SNTG2: variants seen among roughly 807,000 people sequenced by gnomAD.
SNTG2 encodes syntrophin gamma 2.
A neutral mutation model predicts 70.9 loss-of-function variants in SNTG2; 74 were observed. The observed-to-expected ratio is 1.04, with a 90% CI of 0.86 to 1.27. SNTG2 has a LOEUF of 1.27. Among genes scored for constraint, SNTG2 ranks in the 50% most tolerant of loss-of-function variants. SNTG2 has a pLI of 0.00. For missense variants in SNTG2, 717 were observed against 690.7 expected (o/e 1.04, Z -0.43); for synonymous variants, 278 against 273.8 (o/e 1.02, Z -0.15).
intron 12 of SNTG2, among the ~76,000 whole-genome samples, chr2:1,248,633 C>T (rs1022525986): frequency 5.3e-5 from 8 of 152,178 alleles, no homozygotes; most frequent in Non-Finnish European, 8.8e-5. Context: ...CAGAGGTGAA[C>T]GTCTGATTGG....
chr2:986,852 G>A (rs1474224787), intron 1 of SNTG2, among the ~76,000 whole-genome samples: 2 of 152,154 alleles, frequency 1.3e-5, no homozygotes, highest in African/African-American at 4.8e-5. Flanking sequence ...TAAATACTTA[G>A]CAATTTTAGA....
rs181620931 is a variant in SNTG2, at chr2:1,359,280, G to A, written c.1489-8063G>A. Among the ~76,000 whole-genome samples, 5 of 152,206 alleles carry A rather than the reference G, an allele frequency of 3.3e-5. No homozygotes were observed. The East Asian group carries it at 7.7e-4, about 23-fold the overall frequency. On this transcript the variant is annotated intron_variant, in intron 16 of 16. Coordinates refer to ENST00000308624, the MANE Select transcript of SNTG2 (RefSeq NM_018968.4). Reference sequence around the variant, plus strand: ...CAGGTGTGAGTTTTCTACTTGAGGTGTCATATCAGTGCTCAAAAAGATTTA... The same window carrying A: ...CAGGTGTGAGTTTTCTACTTGAGGTATCATATCAGTGCTCAAAAAGATTTA...
At chr2:995,010 G>A (rs1661632178) in intron 1 of SNTG2, among the ~76,000 whole-genome samples, 1 of 151,616 alleles carries the variant, frequency 6.6e-6, no homozygotes, top group Admixed American at 6.6e-5. Context: ...TCTGCAAATA[G>A]AGATAATTTT....
intron 1 of SNTG2, among the ~76,000 whole-genome samples, chr2:965,446 G>C (rs1328113322): frequency 1.3e-5 from 2 of 150,128 alleles, no homozygotes; most frequent in Non-Finnish European, 3.0e-5. Flanking sequence ...TGGTCTCCCT[G>C]TTCCTGTTGG....
At chr2:1,265,746 G>A (rs1315186424) in intron 13 of SNTG2, among the ~76,000 whole-genome samples, 3 of 152,362 alleles carry the variant, frequency 2.0e-5, no homozygotes, top group East Asian at 1.9e-4. Context: ...CAGCTTGGCT[G>A]GTTGGCACAA....
chr2:1,070,556 G>C (rs186966730), intron 1 of SNTG2, among the ~76,000 whole-genome samples: 31 of 152,310 alleles, frequency 2.0e-4, no homozygotes, highest in Admixed American at 1.6e-3. Flanking sequence ...CAAGAGGGAA[G>C]TCCGGCTCAC....
intron 4 of SNTG2, among the ~76,000 whole-genome samples, chr2:1,129,715 C>T (rs917806508): frequency 6.6e-6 from 1 of 152,128 alleles, no homozygotes; most frequent in Non-Finnish European, 1.5e-5. Context: ...AAACCTCAAC[C>T]ACTTCTGGTT....
chr2:1,131,659 T>A (rs1243435839), intron 4 of SNTG2, among the ~76,000 whole-genome samples: 2 of 150,904 alleles, frequency 1.3e-5, no homozygotes, highest in Admixed American at 1.3e-4. Context: ...TTTCTTTTCT[T>A]TTTTTTTTGT....
At chr2:1,131,330 G>T (rs6548197) in intron 4 of SNTG2, among the ~76,000 whole-genome samples, 90,338 of 151,964 alleles carry the variant, frequency 0.59, 27,579 homozygotes, top group East Asian at 0.72. Context: ...CTTATCAGGA[G>T]GTAAAAAGGC....
intron 1 of SNTG2, chr2:1,059,459 C>T (rs1296673473): frequency 6.6e-6 from 1 of 152,086 alleles, no homozygotes; most frequent in African/African-American, 2.4e-5. Flanking sequence ...AAGGATTCCA[C>T]AGGTTTTATA....
At chr2:1,267,008 C>A (rs932959965) in intron 13 of SNTG2, among the ~76,000 whole-genome samples, 18 of 152,142 alleles carry the variant, frequency 1.2e-4, no homozygotes, top group African/African-American at 3.6e-4. Flanking sequence ...TGGGCTCAAG[C>A]AATCCACCCA....
At chr2:1,221,123 ACTCACTT>A (rs1674732273) in intron 9 of SNTG2, among the ~76,000 whole-genome samples, 1 of 151,954 alleles carries the variant, frequency 6.6e-6, no homozygotes, top group African/African-American at 2.4e-5. Context: ...CATTCTCCCA[ACTCACTT>A]CTCTAGGCTC....
chr2:1,159,414 T>C (rs1670130011), intron 6 of SNTG2: 1 of 152,180 alleles, frequency 6.6e-6, no homozygotes, highest in South Asian at 2.1e-4. Context: ...GCAACACAGA[T>C]GATATCTAGT....
intron 1 of SNTG2, among the ~76,000 whole-genome samples, chr2:1,037,087 G>A (rs889819728): frequency 6.6e-6 from 1 of 152,236 alleles, no homozygotes; most frequent in African/African-American, 2.4e-5. Context: ...AACCCACCAA[G>A]TCTGAGTGGC....
intron 1 of SNTG2, among the ~76,000 whole-genome samples, chr2:1,048,660 A>G (rs1265381785): frequency 6.6e-6 from 1 of 152,256 alleles, no homozygotes; most frequent in South Asian, 2.1e-4. Flanking sequence ...TTAGATGGAC[A>G]TATTTGTGCA....
chr2:1,061,568 G>A (rs1369037385), intron 1 of SNTG2, among the ~76,000 whole-genome samples: 3 of 152,204 alleles, frequency 2.0e-5, no homozygotes, highest in Non-Finnish European at 4.4e-5. Context: ...CAACCCACCA[G>A]GTATACAGCT....
At chr2:1,073,581 A>G (rs1053247361) in intron 1 of SNTG2, among the ~76,000 whole-genome samples, 1 of 152,236 alleles carries the variant, frequency 6.6e-6, no homozygotes, top group Non-Finnish European at 1.5e-5. Flanking sequence ...TTATCGCAAT[A>G]TCCACTTGAT....
chr2:1,143,973 T>A (rs1668935415), intron 6 of SNTG2, among the ~76,000 whole-genome samples: 2 of 151,376 alleles, frequency 1.3e-5, no homozygotes, highest in African/African-American at 2.4e-5. Flanking sequence ...TTATTGCAAT[T>A]CTCATGAAAA....
At chr2:1,082,875 A>G (rs1179932615) in intron 1 of SNTG2, among the ~76,000 whole-genome samples, 1 of 152,228 alleles carries the variant, frequency 6.6e-6, no homozygotes, top group East Asian at 1.9e-4. Flanking sequence ...CAAAGCTGAT[A>G]GATTTATCTT....
Sources: gnomAD v4.1 joint callset for allele counts (sites outside exome capture counted in the v4.1 genomes callset) on GRCh38, gnomAD v4.1.1 for gene constraint, MANE v1.5 for transcripts, NCBI Gene and HGNC (gene_info 2026-07-23, HGNC 2026-07-21) for gene names.